The following NBAS variants were observed in gnomAD, a reference collection of about 807,000 sequenced individuals.
NBAS encodes the protein NBAS subunit of NRZ tethering complex, also known as NAG/BC035112 fusion.
In NBAS, 219 loss-of-function variants were observed where a neutral mutation model predicts 302.5. That is an observed-to-expected ratio of 0.72 (90% CI 0.65 to 0.81). The LOEUF (loss-of-function observed/expected upper bound fraction) is 0.81. Ranked by LOEUF, NBAS falls within the 30% of genes least tolerant of loss-of-function variation. NBAS has a pLI of 0.00. For missense variants in NBAS, 2,932 were observed against 2,841.6 expected (o/e 1.03, Z -0.72); for synonymous variants, 1,118 against 1,021.6 (o/e 1.09, Z -1.80).
chr2:14,882,779 A>G, the NBAS span, among the ~76,000 whole-genome samples: 1 of 152,080 alleles, frequency 6.6e-6, no homozygotes, highest in Non-Finnish European at 1.5e-5. Flanking sequence ...TACCAGAGAA[A>G]TAATAAAGCC....
At chr2:15,022,139 T>C in the NBAS span, among the ~76,000 whole-genome samples, 7 of 152,046 alleles carry the variant, frequency 4.6e-5, no homozygotes, top group Admixed American at 1.3e-4. Context: ...AAAAGGGGCG[T>C]CCTGGTCCTC....
At chr2:15,332,812 TCAGCTCCACTCA>T (rs1672414387) in intron 35 of NBAS, among the ~76,000 whole-genome samples, 3 of 152,236 alleles carry the variant, frequency 2.0e-5, no homozygotes, top group Non-Finnish European at 2.9e-5. Flanking sequence ...TTTAGTTCAC[TCAGCTCCACTCA>T]GACCCCCTTA....
the NBAS span, among the ~76,000 whole-genome samples, chr2:14,981,364 G>A: frequency 8.5e-5 from 13 of 152,314 alleles, no homozygotes; most frequent in East Asian, 2.3e-3. Flanking sequence ...TCTCTATCCA[G>A]TCAACCTATT....
intron 19 of NBAS, among the ~76,000 whole-genome samples, chr2:15,464,192 C>T (rs2148565813): frequency 6.6e-6 from 1 of 152,318 alleles, no homozygotes; most frequent in East Asian, 1.9e-4. Flanking sequence ...TGCTGTTCAT[C>T]AACGCTACTA....
At chr2:15,386,930 C>T (rs1675327885) in intron 28 of NBAS, among the ~76,000 whole-genome samples, 1 of 151,940 alleles carries the variant, frequency 6.6e-6, no homozygotes, top group South Asian at 2.1e-4. Context: ...TTGAGTGTGT[C>T]CCCCTCTGGA....
intron 25 of NBAS, among the ~76,000 whole-genome samples, chr2:15,408,560 G>A (rs966602159): frequency 6.6e-6 from 1 of 151,806 alleles, no homozygotes; most frequent in Non-Finnish European, 1.5e-5. Context: ...TTTCAGGATG[G>A]GTCTGTAAAT....
At chr2:14,855,628 TAGCTGTACTCCTC>T in the NBAS span, among the ~76,000 whole-genome samples, 5 of 152,100 alleles carry the variant, frequency 3.3e-5, no homozygotes, top group African/African-American at 1.2e-4. Context: ...GGTGGTAGTC[TAGCTGTACTCCTC>T]ATGGCCTGGG....
At chr2:15,196,136 C>T (rs988725813) in intron 48 of NBAS, among the ~76,000 whole-genome samples, 1 of 152,144 alleles carries the variant, frequency 6.6e-6, no homozygotes, top group Admixed American at 6.5e-5. Context: ...AAATTTGCCT[C>T]GGGCTCTCTC....
chr2:15,077,137 C>G, the NBAS span, among the ~76,000 whole-genome samples: 2 of 152,106 alleles, frequency 1.3e-5, no homozygotes, highest in Non-Finnish European at 2.9e-5. Flanking sequence ...GGGGAGGCCT[C>G]AGGAAACTTA....
intron 38 of NBAS, among the ~76,000 whole-genome samples, chr2:15,318,283 T>TG (rs1671613594): frequency 6.6e-6 from 1 of 152,134 alleles, no homozygotes; most frequent in Non-Finnish European, 1.5e-5. Flanking sequence ...TATCAGCCAC[T>TG]GTAAAAACAT....
intron 38 of NBAS, among the ~76,000 whole-genome samples, chr2:15,326,416 G>A (rs760106871): frequency 6.6e-6 from 1 of 152,084 alleles, no homozygotes; most frequent in Non-Finnish European, 1.5e-5. Context: ...ACTTCAGTCC[G>A]TTATTACGCC....
At chr2:15,360,373 C>T (rs956762329) in intron 32 of NBAS, among the ~76,000 whole-genome samples, 6 of 150,512 alleles carry the variant, frequency 4.0e-5, no homozygotes, top group African/African-American at 9.7e-5. Context: ...CTCACTGTGT[C>T]GCCTAGGCTG....
chr2:15,222,895 C>T (rs757733172), intron 47 of NBAS, among the ~76,000 whole-genome samples: 6 of 152,184 alleles, frequency 3.9e-5, no homozygotes, highest in Non-Finnish European at 7.3e-5. Flanking sequence ...CAAATTAGTT[C>T]CTTTTACATT....
intron 11 of NBAS, among the ~76,000 whole-genome samples, chr2:15,497,730 A>T (rs1381610241): frequency 6.6e-6 from 1 of 152,162 alleles, no homozygotes; most frequent in Non-Finnish European, 1.5e-5. Flanking sequence ...AGGTATTGAA[A>T]ATCTGAAAAT....
chr2:15,281,781 T>C (rs566568596), intron 42 of NBAS, among the ~76,000 whole-genome samples: 4 of 152,316 alleles, frequency 2.6e-5, no homozygotes, highest in African/African-American at 9.6e-5. Context: ...CATACCAAAA[T>C]GCATTTTCCT....
At chr2:15,433,654 C>T (rs1328087099) in intron 21 of NBAS, among the ~76,000 whole-genome samples, 1 of 152,158 alleles carries the variant, frequency 6.6e-6, no homozygotes, top group Non-Finnish European at 1.5e-5. Context: ...TTCCAAAAGG[C>T]ATTGTCTCTG....
At chr2:15,311,599 T>C (rs1671277564) in intron 38 of NBAS, among the ~76,000 whole-genome samples, 1 of 152,224 alleles carries the variant, frequency 6.6e-6, no homozygotes. Context: ...AAAGACTAAT[T>C]TCACCAAGAA....
At chr2:14,807,448 TGTGTGA>T in the NBAS span, among the ~76,000 whole-genome samples, 43 of 108,268 alleles carry the variant, frequency 4.0e-4, no homozygotes, top group South Asian at 9.8e-3. Flanking sequence ...CCCGTGTGTG[TGTGTGA>T]GTGTGTGTGT....
chr2:14,818,295 C>T, the NBAS span, among the ~76,000 whole-genome samples: 7 of 152,292 alleles, frequency 4.6e-5, no homozygotes, highest in African/African-American at 1.4e-4. Flanking sequence ...CACACTTGTA[C>T]ATGTGAAGGG....
Sources: gnomAD v4.1 joint callset for allele counts (sites outside exome capture counted in the v4.1 genomes callset) on GRCh38, gnomAD v4.1.1 for gene constraint, MANE v1.5 for transcripts, NCBI Gene and HGNC (gene_info 2026-07-23, HGNC 2026-07-21) for gene names.